MAGI1: variants seen among roughly 807,000 people sequenced by gnomAD.
The protein encoded by MAGI1 is membrane associated guanylate kinase, WW and PDZ domain containing 1.
A neutral mutation model predicts 139.9 loss-of-function variants in MAGI1; 58 were observed. That is an observed-to-expected ratio of 0.41 (90% confidence interval 0.34 to 0.52). MAGI1 has a LOEUF of 0.52. Among genes scored for constraint, MAGI1 ranks in the 20% least tolerant of loss-of-function variants. MAGI1 has a pLI of 0.12. For synonymous variants in MAGI1, 812 were observed against 737.9 expected (o/e 1.10, Z -1.63); for missense variants, 1,874 against 1,901.6 (o/e 0.99, Z 0.27).
chr3:65,831,344 A>G (rs2042516220), intron 1 of MAGI1, among the ~76,000 whole-genome samples: 1 of 152,236 alleles, frequency 6.6e-6, no homozygotes. Flanking sequence ...AAGTAGCGTT[A>G]CCTGGATGTT....
At chr3:65,810,739 G>A (rs1420616922) in intron 1 of MAGI1, among the ~76,000 whole-genome samples, 1 of 152,200 alleles carries the variant, frequency 6.6e-6, no homozygotes, top group Admixed American at 6.5e-5. Context: ...AATGCAAGGA[G>A]TAGAATCCCT....
At chr3:65,907,930 G>A (rs550164712) in intron 1 of MAGI1, among the ~76,000 whole-genome samples, 2 of 152,082 alleles carry the variant, frequency 1.3e-5, no homozygotes, top group African/African-American at 2.4e-5. Context: ...GTGTTACCCC[G>A]GCTCCATCAC....
Position 65,563,721 on chromosome 3 carries a change from G to A in MAGI1, c.430+58251C>T, listed in dbSNP as rs149149741. 2.8e-3 allele frequency among the ~76,000 whole-genome samples: 431 copies of A among 152,218 alleles called. 1 individual carries two copies. The highest frequency in any genetic ancestry group is 7.7e-3 in the African/African-American group (321 of 41,532). The stretch of plus-strand genomic sequence containing the variant: ...GAGTAACCCTGGGTAAGGTTACTCT[G>A]CTCTCTAAGATTCAATGTTCTCTTC... On this transcript the variant is annotated intron_variant, in intron 2 of 22. Transcript: ENST00000402939.
In MAGI1 at chr3:65,363,393, CT is replaced by C. The variant is rs1392657412; in HGVS notation, c.3495+71del. ...TGTAGTTCTTATGAACATGAACATTCTAACCATATATGACAAGAATTCACTG... is the reference window on the plus strand; with the variant it reads ...TGTAGTTCTTATGAACATGAACATTCAACCATATATGACAAGAATTCACTG... On this transcript the variant is annotated intron_variant, in intron 21 of 22. Coordinates refer to ENST00000402939, the MANE Select transcript of MAGI1 (RefSeq NM_001033057.2). The C allele has an allele frequency of 2.7e-6, 4 of 1,491,658 alleles. No individual in the cohort carries two copies. The Admixed American group carries it at 6.5e-5, about 24-fold the overall frequency. The allele number at this position is 1,491,658 out of a possible 1,614,324, so 92.4% of individuals were successfully genotyped here. A position where few individuals can be genotyped will look rare whatever the true frequency, so the allele number is the denominator to read the frequency against.
intron 2 of MAGI1, among the ~76,000 whole-genome samples, chr3:65,518,860 T>C (rs574131031): frequency 6.6e-6 from 1 of 152,190 alleles, no homozygotes; most frequent in South Asian, 2.1e-4. Context: ...CTAGTAAATA[T>C]GCAATATGTC....
chr3:65,948,750 C>G (rs1261223330), intron 1 of MAGI1, among the ~76,000 whole-genome samples: 1 of 152,170 alleles, frequency 6.6e-6, no homozygotes, highest in Non-Finnish European at 1.5e-5. Context: ...ACTTAAAAAG[C>G]TATATATGCC....
At chr3:65,725,527 A>G (rs1218751231) in intron 1 of MAGI1, among the ~76,000 whole-genome samples, 1 of 152,178 alleles carries the variant, frequency 6.6e-6, no homozygotes, top group Non-Finnish European at 1.5e-5. Flanking sequence ...AACTCTGCCA[A>G]ACCCTGGTGG....
At chr3:65,548,509 CTCTTTTTTTTTT>C (rs1487516820) in intron 2 of MAGI1, among the ~76,000 whole-genome samples, 6 of 117,368 alleles carry the variant, frequency 5.1e-5, no homozygotes, top group Non-Finnish European at 1.0e-4. Flanking sequence ...GCAAACAACA[CTCTTTTTTTTTT>C]TTTTTTTTTT....
At chr3:65,767,313 TAAAG>T (rs2037568768) in intron 1 of MAGI1, among the ~76,000 whole-genome samples, 1 of 151,970 alleles carries the variant, frequency 6.6e-6, no homozygotes, top group African/African-American at 2.4e-5. Context: ...TTTTTTTTAA[TAAAG>T]ACTTTAGGCC....
chr3:65,437,114 G>A, intron 10 of MAGI1, 41 bp downstream of exon 10: 1 of 1,388,266 alleles, frequency 7.2e-7, no homozygotes, highest in East Asian at 2.3e-5. Context: ...ATTAGATTTT[G>A]AGCTAAAACC....
chr3:65,401,372 T>TGCCCCCCCCCCCCCCCCCC, intron 13 of MAGI1, 67 bp downstream of exon 13: 1 of 778,312 alleles, frequency 1.3e-6, no homozygotes, highest in Non-Finnish European at 2.1e-6. Context: ...CAGAGTACCC[T>TGCCCCCCCCCCCCCCCCCC]CCCACCTCCA....
intron 1 of MAGI1, among the ~76,000 whole-genome samples, chr3:65,989,406 A>C (rs962112170): frequency 1.3e-5 from 2 of 152,164 alleles, no homozygotes; most frequent in Non-Finnish European, 2.9e-5. Flanking sequence ...ATTTTTTTAT[A>C]TCTTCCCACA....
intron 1 of MAGI1, among the ~76,000 whole-genome samples, chr3:65,692,832 A>G (rs940691346): frequency 6.6e-6 from 1 of 152,116 alleles, no homozygotes; most frequent in African/African-American, 2.4e-5. Context: ...CCACCTTGGG[A>G]CTGCAGACAG....
At chr3:65,580,435 T>C (rs1477951966) in intron 2 of MAGI1, among the ~76,000 whole-genome samples, 3 of 152,030 alleles carry the variant, frequency 2.0e-5, no homozygotes. Context: ...AGTGAGCAAA[T>C]CGATACACAG....
At chr3:65,872,591 G>A (rs956408870) in intron 1 of MAGI1, among the ~76,000 whole-genome samples, 3 of 152,174 alleles carry the variant, frequency 2.0e-5, no homozygotes, top group African/African-American at 7.2e-5. Context: ...AGAAAGGAGT[G>A]TTTATGTCTA....
intron 2 of MAGI1, among the ~76,000 whole-genome samples, chr3:65,563,266 AAAAC>A (rs2080452237): frequency 6.6e-5 from 10 of 152,160 alleles, no homozygotes; most frequent in Admixed American, 6.5e-4. Flanking sequence ...AGCAAGTTTG[AAAAC>A]AAACAACAGA....
At chr3:65,622,559 T>A (rs1322521441) in intron 1 of MAGI1, among the ~76,000 whole-genome samples, 7 of 152,086 alleles carry the variant, frequency 4.6e-5, no homozygotes, top group South Asian at 4.1e-4. Context: ...CAGCTTTTTT[T>A]ATTTTTTTAA....
intron 1 of MAGI1, among the ~76,000 whole-genome samples, chr3:65,673,003 G>T (rs905532149): frequency 6.6e-6 from 1 of 152,022 alleles, no homozygotes; most frequent in Non-Finnish European, 1.5e-5. Context: ...GTTCTGCGAA[G>T]GTGAGTATTA....
At chr3:65,766,618 G>C (rs143614442) in intron 1 of MAGI1, among the ~76,000 whole-genome samples, 1 of 151,922 alleles carries the variant, frequency 6.6e-6, no homozygotes, top group Non-Finnish European at 1.5e-5. Context: ...GGCTGGGTGC[G>C]GTGGCTCACG....
Sources: gnomAD v4.1 joint callset for allele counts (sites outside exome capture counted in the v4.1 genomes callset) on GRCh38, gnomAD v4.1.1 for gene constraint, MANE v1.5 for transcripts, NCBI Gene and HGNC (gene_info 2026-07-23, HGNC 2026-07-21) for gene names.